Variants in CSMD3 observed in about 807,000 individuals in gnomAD.
The protein encoded by CSMD3 is CUB and sushi domain-containing protein 3.
A neutral mutation model predicts 435.2 loss-of-function variants in CSMD3; 177 were observed. The observed-to-expected ratio is 0.41, with a 90% CI of 0.36 to 0.46. CSMD3 has a LOEUF of 0.46. CSMD3 is among the 20% of genes least tolerant of loss of function. The probability of loss-of-function intolerance (pLI) is 0.34; values close to 1 mark genes in which losing one functional copy is unlikely to be tolerated. For synonymous variants in CSMD3, 1,656 were observed against 1,520.5 expected (o/e 1.09, Z -2.07); for missense variants, 4,265 against 4,504.6 (o/e 0.95, Z 1.52).
At chr8:113,085,220 A>G (rs1250349589) in intron 5 of CSMD3, among the ~76,000 whole-genome samples, 1 of 150,388 alleles carries the variant, frequency 6.6e-6, no homozygotes, top group Non-Finnish European at 1.5e-5. Flanking sequence ...AGAATATACA[A>G]AAAATTCAAA....
intron 27 of CSMD3, among the ~76,000 whole-genome samples, chr8:112,548,393 G>A (rs1356240933): frequency 6.6e-6 from 1 of 151,962 alleles, no homozygotes; most frequent in Admixed American, 6.6e-5. Context: ...ATTCCCCCTG[G>A]CATATTAATG....
intron 4 of CSMD3, among the ~76,000 whole-genome samples, chr8:113,101,194 C>T (rs2090320494): frequency 6.6e-6 from 1 of 152,058 alleles, no homozygotes; most frequent in Admixed American, 6.6e-5. Context: ...GTGACTGTGT[C>T]TCTCCAGCTG....
chr8:112,572,994 G>T (rs1829658687), intron 24 of CSMD3, among the ~76,000 whole-genome samples: 1 of 152,008 alleles, frequency 6.6e-6, no homozygotes, highest in Non-Finnish European at 1.5e-5. Context: ...AACATAATGA[G>T]ATAATAGAAC....
In CSMD3 at chr8:112,314,500, C is replaced by A. The variant is rs1822276539; in HGVS notation, c.7478G>T (p.Gly2493Val). Reference protein sequence around the residue: ...MCAWSISVEKGYNITMFVEFF... With the variant: ...MCAWSISVEKVYNITMFVEFF... ...TTCTACAAACATGGTGATATTATAA[C>A]CCTTTTCCACTGAAATGCTCCATGC... Residue 2493 changes from glycine to valine, a missense_variant, in exon 48 of 71, where the codon GGT becomes GTT. By Grantham distance (109) the Gly-to-Val change is moderately radical (BLOSUM62 -3). Transcript: ENST00000297405. 1 of 1,612,518 alleles carries A rather than the reference C, an allele frequency of 6.2e-7. No individual in the cohort carries two copies.
At position 112,680,857 on chromosome 8, in the gene CSMD3, A is replaced by C. The variant is rs79853279; in HGVS notation, c.2677+1585T>G. Among the ~76,000 whole-genome samples the C allele has an allele frequency of 2.6e-5, 4 of 152,298 alleles. No homozygotes were observed. In the East Asian group the frequency reaches 5.8e-4, roughly 22 times the overall value. On this transcript the variant is annotated intron_variant, in intron 16 of 70. Coordinates refer to ENST00000297405, the MANE Select transcript of CSMD3 (RefSeq NM_198123.2). ...GTTGTACTTTGGAAAATTACATATT[A>C]AATCTTCTCAATTTATCAGCTAGTC...
intron 3 of CSMD3, among the ~76,000 whole-genome samples, chr8:113,210,017 T>TGC (rs2092814784): frequency 8.8e-6 from 1 of 113,284 alleles, no homozygotes; most frequent in Non-Finnish European, 1.7e-5. Context: ...TGTGTGTGTG[T>TGC]GTGTGTGTGT....
At chr8:113,094,324 C>A (rs2090096802) in intron 5 of CSMD3, among the ~76,000 whole-genome samples, 1 of 151,992 alleles carries the variant, frequency 6.6e-6, no homozygotes, top group African/African-American at 2.4e-5. Context: ...GTCTTTTAAT[C>A]TTCACTTTCT....
At chr8:113,181,588 CA>C (rs1440830699) in intron 3 of CSMD3, among the ~76,000 whole-genome samples, 22 of 152,118 alleles carry the variant, frequency 1.4e-4, no homozygotes, top group Admixed American at 1.3e-3. Flanking sequence ...AATGAATTTA[CA>C]AAAACGATAT....
chr8:112,606,963 T>A, intron 22 of CSMD3, among the ~76,000 whole-genome samples: 1 of 44,976 alleles, frequency 2.2e-5, no homozygotes. Flanking sequence ...ACTTTACCCC[T>A]CAAGCTATGA....
chr8:113,414,339 A>G (rs1588686038), intron 1 of CSMD3, among the ~76,000 whole-genome samples: 1 of 152,208 alleles, frequency 6.6e-6, no homozygotes, highest in African/African-American at 2.4e-5. Context: ...TTGCTTTATC[A>G]TATAAGATAC....
rs1824978056 is a variant in CSMD3, at chr8:112,526,478, A to G, written c.4565-9253T>C. 2.0e-5 allele frequency among the ~76,000 whole-genome samples: 3 copies of G among 152,142 alleles called. No homozygotes were observed. The South Asian group carries it at 6.2e-4, about 31-fold the overall frequency. ...TCAATTATTTCAACTGCATATAAAA[A>G]TATTTGTATATTTTAACAACAGTTT... On this transcript the variant is annotated intron_variant, in intron 27 of 70. Transcript: ENST00000297405.
chr8:112,507,339 C>T (rs963483215), intron 28 of CSMD3, among the ~76,000 whole-genome samples: 3 of 152,106 alleles, frequency 2.0e-5, no homozygotes, highest in African/African-American at 7.2e-5. Context: ...AAAAAATTGT[C>T]AGTGAAACTC....
chr8:112,442,397 T>C (rs1332150853), intron 32 of CSMD3, among the ~76,000 whole-genome samples: 2 of 152,162 alleles, frequency 1.3e-5, no homozygotes, highest in Non-Finnish European at 2.9e-5. Flanking sequence ...GACATAATCA[T>C]CATTATCATC....
At chr8:112,451,535 A>T (rs1349416477) in intron 32 of CSMD3, among the ~76,000 whole-genome samples, 6 of 151,928 alleles carry the variant, frequency 3.9e-5, no homozygotes, top group Non-Finnish European at 7.4e-5. Flanking sequence ...AAGTACAAAT[A>T]ATCTTCTCTT....
At chr8:112,724,205 T>C (rs936308966) in intron 13 of CSMD3, among the ~76,000 whole-genome samples, 1 of 151,850 alleles carries the variant, frequency 6.6e-6, no homozygotes, top group African/African-American at 2.4e-5. Flanking sequence ...ATGAAAAAGT[T>C]GAAGGGGTTA....
At chr8:112,429,183 TC>T (rs1315323744) in intron 32 of CSMD3, among the ~76,000 whole-genome samples, 2 of 152,028 alleles carry the variant, frequency 1.3e-5, no homozygotes, top group Non-Finnish European at 1.5e-5. Flanking sequence ...GACCAACATC[TC>T]CCCACCTTCC....
chr8:113,096,946 A>T (rs1047827232), intron 5 of CSMD3, among the ~76,000 whole-genome samples: 2 of 151,980 alleles, frequency 1.3e-5, no homozygotes, highest in Non-Finnish European at 2.9e-5. Flanking sequence ...TTTCTTTCTT[A>T]TCACTCTCTA....
chr8:112,532,594 T>C (rs1263039389), intron 27 of CSMD3, among the ~76,000 whole-genome samples: 2 of 152,110 alleles, frequency 1.3e-5, no homozygotes, highest in East Asian at 3.9e-4. Flanking sequence ...AAGAATATAG[T>C]AGTGAGAAAA....
chr8:112,670,058 G>A lies in CSMD3; in HGVS notation c.2678-3643C>T, dbSNP rs145119383. ...AAAAATGTCAAGTTCTATAACAAAG[G>A]TATGTCCACAGTACAAGGGGCCCAG... On this transcript the variant is annotated intron_variant, in intron 16 of 70. Transcript: ENST00000297405. Among the ~76,000 whole-genome samples the A allele has an allele frequency of 2.9e-3, 446 of 152,096 alleles. 4 individuals are homozygous for A. Among genetic ancestry groups the A allele is most frequent in the African/African-American group, 0.01 (425 of 41,502 alleles).
Sources: gnomAD v4.1 joint callset for allele counts (sites outside exome capture counted in the v4.1 genomes callset) on GRCh38, gnomAD v4.1.1 for gene constraint, MANE v1.5 for transcripts, NCBI Gene and HGNC (gene_info 2026-07-23, HGNC 2026-07-21) for gene names.